Variants in SH3RF2 observed in about 807,000 individuals in gnomAD.
SH3RF2 encodes the protein SH3 domain containing ring finger 2.
A neutral mutation model predicts 59.0 loss-of-function variants in SH3RF2; 43 were observed. The observed-to-expected ratio is 0.73, with a 90% CI of 0.57 to 0.94. The LOEUF (loss-of-function observed/expected upper bound fraction) is 0.94, where lower values mean the gene tolerates loss of function less well. Ranked by LOEUF, SH3RF2 falls within the 40% of genes least tolerant of loss-of-function variation. The pLI, the probability that SH3RF2 is intolerant of heterozygous loss-of-function variation, is 0.00. For synonymous variants in SH3RF2, 391 were observed against 391.5 expected (o/e 1.00, Z 0.01); for missense variants, 930 against 940.1 (o/e 0.99, Z 0.14).
At position 146,013,844 on chromosome 5, in the gene SH3RF2, A is replaced by G. The variant is rs780672831; in HGVS notation, c.842A>G (p.Asn281Ser). 2.9e-5 allele frequency: 47 copies of G among 1,614,056 alleles called. No homozygotes were observed. Among genetic ancestry groups the G allele is most frequent in the Non-Finnish European group, 3.9e-5 (46 of 1,180,044 alleles). Residue 281 changes from asparagine to serine, a missense_variant, in exon 5 of 10, where the codon AAC becomes AGC. Asn to Ser is a conservative substitution (Grantham distance 46, BLOSUM62 1). Coordinates refer to ENST00000359120, the MANE Select transcript of SH3RF2 (RefSeq NM_152550.4). ...LSLVSSSSRGNTSTLRRGPGS... is the reference protein window; with the variant it reads ...LSLVSSSSRGSTSTLRRGPGS... The stretch of plus-strand genomic sequence containing the variant: ...CTGGTGTCCTCGTCCTCCAGAGGCA[A>G]CACGTCTACCCTCCGTAGGGGCCCA...
chr5:145,950,671 C>A (rs1228052684), intron 2 of SH3RF2, among the ~76,000 whole-genome samples: 1 of 152,088 alleles, frequency 6.6e-6, no homozygotes, highest in Admixed American at 6.5e-5. Context: ...GGAAGCCAAT[C>A]AGAAATCAAA....
chr5:145,948,784 A>G (rs978201238), intron 2 of SH3RF2, among the ~76,000 whole-genome samples: 1 of 152,182 alleles, frequency 6.6e-6, no homozygotes, highest in African/African-American at 2.4e-5. Flanking sequence ...GTTCCTCCGC[A>G]GGTTCCCAGT....
intron 5 of SH3RF2, among the ~76,000 whole-genome samples, chr5:146,035,122 C>T (rs1200021295): frequency 6.7e-6 from 1 of 150,072 alleles, no homozygotes; most frequent in Non-Finnish European, 1.5e-5. Flanking sequence ...AAAAAAAGAA[C>T]AGAGACAACT....
At chr5:145,954,465 T>C (rs201057765) in intron 2 of SH3RF2, among the ~76,000 whole-genome samples, 1 of 131,574 alleles carries the variant, frequency 7.6e-6, no homozygotes, top group South Asian at 2.5e-4. Flanking sequence ...CTTTGTCAGA[T>C]GCATAGTTTG....
chr5:145,998,805 G>A (rs1760273432), intron 2 of SH3RF2, among the ~76,000 whole-genome samples: 1 of 152,124 alleles, frequency 6.6e-6, no homozygotes, highest in Non-Finnish European at 1.5e-5. Context: ...CAGCTAGTCG[G>A]GAGGCTGAGG....
downstream of SH3RF2, among the ~76,000 whole-genome samples, chr5:146,064,759 G>A (rs1561773566): frequency 5.5e-3 from 37 of 6,776 alleles, 1 homozygote; most frequent in South Asian, 0.11. Context: ...AGGAAGGAAG[G>A]AAGGAAGGAA....
intron 5 of SH3RF2, among the ~76,000 whole-genome samples, chr5:146,047,374 A>C (rs1239008280): frequency 6.6e-6 from 1 of 152,186 alleles, no homozygotes; most frequent in East Asian, 1.9e-4. Context: ...AAAACTGCCT[A>C]GTAATTGCTC....
chr5:145,965,338 C>T (rs1758817648), intron 2 of SH3RF2, among the ~76,000 whole-genome samples: 1 of 152,126 alleles, frequency 6.6e-6, no homozygotes, highest in Non-Finnish European at 1.5e-5. Context: ...TGTAGGTAGT[C>T]ACTAAGTGAA....
chr5:145,997,467 G>A, intron 2 of SH3RF2: 1 of 1,543,566 alleles, frequency 6.5e-7, no homozygotes, highest in Non-Finnish European at 9.0e-7. Flanking sequence ...TGTGAAAAAT[G>A]GGATAATGGA....
At position 146,056,148 on chromosome 5, in the gene SH3RF2, G is replaced by T; in HGVS notation, c.1490G>T (p.Ser497Ile). 1 of 1,614,172 alleles carries T rather than the reference G, an allele frequency of 6.2e-7. No homozygotes were observed. Among genetic ancestry groups the T allele is most frequent in the Non-Finnish European group, 8.5e-7 (1 of 1,180,038 alleles). Residue 497 changes from serine to isoleucine, a missense_variant, in exon 8 of 10, where the codon AGC becomes ATC. By Grantham distance (142) the Ser-to-Ile change is moderately radical. Coordinates refer to ENST00000359120, the MANE Select transcript of SH3RF2 (RefSeq NM_152550.4). ...VPTAIVNPVR[S>I]TAGPGTLGQG... Reference sequence around the variant, plus strand: ...ACTGCCATAGTCAACCCCGTGAGAAGCACAGCCGGCCCTGGGACTTTAGGA... The same window carrying T: ...ACTGCCATAGTCAACCCCGTGAGAATCACAGCCGGCCCTGGGACTTTAGGA...
chr5:146,053,437 T>C (rs1206361097), intron 7 of SH3RF2, among the ~76,000 whole-genome samples: 1 of 119,984 alleles, frequency 8.3e-6, no homozygotes, highest in Non-Finnish European at 1.9e-5. Flanking sequence ...AGGCAGAGGT[T>C]TCCTTTCTTT....
At chr5:145,973,903 T>C (rs559423187) in intron 2 of SH3RF2, among the ~76,000 whole-genome samples, 4 of 152,342 alleles carry the variant, frequency 2.6e-5, no homozygotes, top group African/African-American at 9.6e-5. Flanking sequence ...ATTCATTTTC[T>C]ATGCTGTGTA....
At chr5:146,043,371 A>T (rs1176153812) in intron 5 of SH3RF2, among the ~76,000 whole-genome samples, 2 of 152,120 alleles carry the variant, frequency 1.3e-5, no homozygotes, top group African/African-American at 2.4e-5. Flanking sequence ...AGCGATTCTC[A>T]TCCCCTTCCC....
chr5:146,064,913 C>T (rs904002480), downstream of SH3RF2, among the ~76,000 whole-genome samples: 2 of 151,820 alleles, frequency 1.3e-5, no homozygotes, highest in African/African-American at 4.8e-5. Flanking sequence ...AGGGGCATGT[C>T]TAATTAGACC....
At position 146,013,786 on chromosome 5, in the gene SH3RF2, G is replaced by T. The variant is rs370632302; in HGVS notation, c.784G>T (p.Gly262Cys). ...TARHLLEKNKGRQSSRTKNLS... is the reference protein window; with the variant it reads ...TARHLLEKNKCRQSSRTKNLS... The stretch of plus-strand genomic sequence containing the variant: ...AAGACACCTTTTAGAGAAGAACAAA[G>T]GTCGCCAGTCATCCCGCACAAAAAA... Residue 262 changes from glycine to cysteine, a missense_variant, in exon 5 of 10, where the codon GGT (glycine) becomes TGT (cysteine). By Grantham distance (159) the Gly-to-Cys change is radical. Coordinates refer to ENST00000359120, the MANE Select transcript of SH3RF2 (RefSeq NM_152550.4). 6 of 1,614,088 alleles carry T rather than the reference G, an allele frequency of 3.7e-6. No individual in the cohort carries two copies. The highest frequency in any genetic ancestry group is 1.1e-5 in the South Asian group (1 of 91,070).
At chr5:146,075,786 A>G (rs1763329884) in intron 9 of SH3RF2, among the ~76,000 whole-genome samples, 1 of 130,480 alleles carries the variant, frequency 7.7e-6, no homozygotes, top group Non-Finnish European at 1.5e-5. Context: ...TGTAAAAAAA[A>G]AAAAAAAAAA....
chr5:145,939,218 A>G (rs1180163399), intron 2 of SH3RF2, among the ~76,000 whole-genome samples: 3 of 152,240 alleles, frequency 2.0e-5, no homozygotes, highest in Non-Finnish European at 4.4e-5. Context: ...CAGTGTAAAA[A>G]AGTGGACACG....
chr5:146,035,624 C>T (rs2150007064), intron 5 of SH3RF2, among the ~76,000 whole-genome samples: 2 of 152,326 alleles, frequency 1.3e-5, no homozygotes, highest in Non-Finnish European at 2.9e-5. Flanking sequence ...CTGTTTTGGT[C>T]TGCTGCTTTC....
At chr5:145,939,564 C>T (rs991357) in intron 2 of SH3RF2, among the ~76,000 whole-genome samples, 36,697 of 152,060 alleles carry the variant, frequency 0.24, 6,915 homozygotes, top group African/African-American at 0.52. Flanking sequence ...CACTGTACAC[C>T]CTTGATTTCT....
Sources: allele counts gnomAD v4.1 joint callset (sites outside exome capture counted in the v4.1 genomes callset), GRCh38; gene constraint gnomAD v4.1.1; transcripts MANE v1.5; gene names NCBI Gene and HGNC (gene_info 2026-07-23, HGNC 2026-07-21).